The following MYH15 variants were observed in gnomAD, a reference collection of about 807,000 sequenced individuals.
MYH15 encodes the protein myosin-15.
In MYH15, 227 loss-of-function variants were observed where a neutral mutation model predicts 240.5. The ratio of observed to expected loss-of-function variants is 0.94; its 90% CI spans 0.85 to 1.05. MYH15 has a LOEUF of 1.05. Ranked by LOEUF, MYH15 falls within the 50% of genes least tolerant of loss-of-function variation. The pLI is 0.00. For synonymous variants in MYH15, 785 were observed against 796.7 expected (o/e 0.99, Z 0.25); for missense variants, 2,217 against 2,247.5 (o/e 0.99, Z 0.27).
chr3:108,478,297 T>C, intron 11 of MYH15, among the ~76,000 whole-genome samples: 1 of 152,192 alleles, frequency 6.6e-6, no homozygotes, highest in South Asian at 2.1e-4. Context: ...AATACATACA[T>C]TGCTACAAGT....
At chr3:108,463,311 T>C in intron 15 of MYH15, 68 bp from the exon 16 acceptor site, 1 of 1,499,696 alleles carries the variant, frequency 6.7e-7, no homozygotes, top group Non-Finnish European at 9.0e-7. Context: ...TGGAAGGCTG[T>C]GCATTACCCC....
the MYH15 span, among the ~76,000 whole-genome samples, chr3:108,537,120 T>A: frequency 6.6e-6 from 1 of 152,210 alleles, no homozygotes; most frequent in African/African-American, 2.4e-5. Context: ...CTTTCTATTA[T>A]AAAGCTAAAT....
chr3:108,461,514 T>C (rs2083071852), intron 16 of MYH15, among the ~76,000 whole-genome samples: 1 of 152,208 alleles, frequency 6.6e-6, no homozygotes, highest in Non-Finnish European at 1.5e-5. Flanking sequence ...ACAATTCTTG[T>C]CTTTTAGTTC....
chr3:108,432,522 G>A (rs933183296), intron 25 of MYH15, among the ~76,000 whole-genome samples: 1 of 152,178 alleles, frequency 6.6e-6, no homozygotes, highest in Non-Finnish European at 1.5e-5. Flanking sequence ...AAGACAACTG[G>A]AAAAATGTCT....
At chr3:108,484,488 TA>T (rs761611125) in intron 11 of MYH15, among the ~76,000 whole-genome samples, 78 of 152,304 alleles carry the variant, frequency 5.1e-4, no homozygotes, top group Non-Finnish European at 7.8e-4. Context: ...TATTTTATTT[TA>T]TTTTTTTGAG....
chr3:108,445,096 A>G (rs2082916590), intron 21 of MYH15, among the ~76,000 whole-genome samples: 1 of 152,220 alleles, frequency 6.6e-6, no homozygotes, highest in Admixed American at 6.5e-5. Context: ...AGTATTATGG[A>G]CTAGATATCC....
chr3:108,489,592 G>A (rs1363373839), intron 9 of MYH15, among the ~76,000 whole-genome samples: 2 of 152,106 alleles, frequency 1.3e-5, no homozygotes, highest in African/African-American at 4.8e-5. Context: ...ATAGGGGCTG[G>A]CTCTGAGGTA....
chr3:108,452,871 A>T (rs963531566), intron 21 of MYH15, among the ~76,000 whole-genome samples: 4 of 152,128 alleles, frequency 2.6e-5, no homozygotes, highest in African/African-American at 9.7e-5. Flanking sequence ...TAATCTCAGC[A>T]ATTTGGGAGG....
intron 11 of MYH15, among the ~76,000 whole-genome samples, chr3:108,477,494 G>C (rs897726268): frequency 2.0e-5 from 3 of 152,168 alleles, no homozygotes; most frequent in African/African-American, 7.2e-5. Context: ...AAGAGGACTA[G>C]TATCAAGAAA....
intron 3 of MYH15, 78 bp downstream of exon 3, chr3:108,501,634 A>G (rs985623860): frequency 1.9e-6 from 3 of 1,569,992 alleles, no homozygotes; most frequent in Admixed American, 1.7e-5. Context: ...AACTCAATGT[A>G]AGAGATCACC....
exon 1 of MYH15, chr3:108,529,304 A>T: frequency 6.4e-7 from 1 of 1,571,702 alleles, no homozygotes; most frequent in Non-Finnish European, 8.7e-7. Flanking sequence ...AATTAAAATG[A>T]TCATATGAAG....
At chr3:108,464,185 T>C (rs2083094698) in intron 15 of MYH15, among the ~76,000 whole-genome samples, 1 of 151,958 alleles carries the variant, frequency 6.6e-6, no homozygotes, top group Admixed American at 6.6e-5. Flanking sequence ...GGTGAGGAAA[T>C]GAGGAGAGGT....
At chr3:108,408,211 T>C in intron 32 of MYH15, 69 bp downstream of exon 32, 1 of 1,513,728 alleles carries the variant, frequency 6.6e-7, no homozygotes, top group Non-Finnish European at 8.9e-7. Context: ...TTGGTGCTGC[T>C]GTTATTGCTG....
At chr3:108,468,788 A>G (rs2083144323) in intron 14 of MYH15, among the ~76,000 whole-genome samples, 1 of 152,224 alleles carries the variant, frequency 6.6e-6, no homozygotes, top group South Asian at 2.1e-4. Flanking sequence ...AACAATGTCT[A>G]TGTCCCACGT....
At chr3:108,419,432 C>CA (rs2082663376) in intron 28 of MYH15, among the ~76,000 whole-genome samples, 1 of 152,156 alleles carries the variant, frequency 6.6e-6, no homozygotes, top group Non-Finnish European at 1.5e-5. Context: ...ATTTCCTCAT[C>CA]AAAAAAGTGA....
chr3:108,439,270 A>G (rs2107567454), intron 24 of MYH15, among the ~76,000 whole-genome samples: 1 of 152,342 alleles, frequency 6.6e-6, no homozygotes, highest in South Asian at 2.1e-4. Context: ...GTATTTTCCA[A>G]TAGTGTAGGT....
At chr3:108,459,024 A>T (rs2083048403) in intron 18 of MYH15, among the ~76,000 whole-genome samples, 1 of 147,758 alleles carries the variant, frequency 6.8e-6, no homozygotes, top group Admixed American at 6.7e-5. Flanking sequence ...CCCCTAATTG[A>T]TTATTCAATT....
At chr3:108,448,735 C>G (rs1372658879) in intron 21 of MYH15, among the ~76,000 whole-genome samples, 2 of 151,062 alleles carry the variant, frequency 1.3e-5, no homozygotes, top group East Asian at 4.1e-4. Flanking sequence ...AGGAACAAGA[C>G]AAGAATGCTC....
At chr3:108,482,419 G>A (rs896594347) in intron 11 of MYH15, among the ~76,000 whole-genome samples, 19 of 152,274 alleles carry the variant, frequency 1.2e-4, no homozygotes, top group Middle Eastern at 3.4e-3. Context: ...GAAGCCAAAA[G>A]GGAGAGTGGA....
Sources: gnomAD v4.1 joint callset for allele counts (sites outside exome capture counted in the v4.1 genomes callset) on GRCh38, gnomAD v4.1.1 for gene constraint, MANE v1.5 for transcripts, NCBI Gene and HGNC (gene_info 2026-07-23, HGNC 2026-07-21) for gene names.